SLC38A4: variants seen among roughly 807,000 people sequenced by gnomAD.
SLC38A4 encodes the protein solute carrier family 38 member 4.
In SLC38A4, 20 loss-of-function variants were observed where a neutral mutation model predicts 63.1. The observed-to-expected ratio is 0.32, with a 90% CI of 0.22 to 0.46. The LOEUF is 0.46. Among genes scored for constraint, SLC38A4 ranks in the 20% least tolerant of loss-of-function variants. The pLI is 1.00. For synonymous variants in SLC38A4, 230 were observed against 225.5 expected, an observed-to-expected ratio of 1.02 and a Z score of -0.18; for missense variants, 526 against 663.6, an observed-to-expected ratio of 0.79 and a Z score of 2.28.
chr12:46,788,756 C>T (rs1254456480), intron 3 of SLC38A4, 138 bp from the exon 4 acceptor site: 2 of 691,550 alleles, frequency 2.9e-6, no homozygotes, highest in Non-Finnish European at 4.9e-6. Context: ...TCCTCCTTCA[C>T]ACTAACGGTC....
intron 2 of SLC38A4, among the ~76,000 whole-genome samples, chr12:46,794,778 C>G (rs1283728498): frequency 2.0e-5 from 3 of 151,398 alleles, no homozygotes; most frequent in Non-Finnish European, 4.4e-5. Flanking sequence ...TAGGGTGAGA[C>G]AAAACAGAAA....
chr12:46,766,696 T>G lies in SLC38A4; in HGVS notation c.*5A>C. On this transcript the variant is annotated 3_prime_UTR_variant, in exon 17 of 17. Transcript: ENST00000266579. The stretch of plus-strand genomic sequence containing the variant: ...CAATAGAAAAAGAAAGTATTTTTCC[T>G]TGTGTTAGTGATGCTTGGAATTTGG... 1 of 1,575,542 alleles carries G rather than the reference T, an allele frequency of 6.3e-7. No individual in the cohort carries two copies. The highest frequency in any genetic ancestry group is 8.7e-7 in the Non-Finnish European group (1 of 1,146,864).
At chr12:46,832,229 A>T (rs1297214739) in intron 1 of SLC38A4, 1 of 152,056 alleles carries the variant, frequency 6.6e-6, no homozygotes, top group East Asian at 1.9e-4. Context: ...CCCCGTGCAT[A>T]CACACAAGCA....
At chr12:46,822,566 C>T (rs1012625577) in intron 1 of SLC38A4, among the ~76,000 whole-genome samples, 1 of 152,126 alleles carries the variant, frequency 6.6e-6, no homozygotes, top group African/African-American at 2.4e-5. Context: ...CACCACTGGG[C>T]ACCTACTTTA....
At chr12:46,769,204 G>A in intron 15 of SLC38A4, 80 bp downstream of exon 15, 1 of 1,474,562 alleles carries the variant, frequency 6.8e-7, no homozygotes, top group Non-Finnish European at 9.4e-7. Flanking sequence ...GGATCTGGAT[G>A]ACCCAGCACT....
intron 1 of SLC38A4, among the ~76,000 whole-genome samples, chr12:46,818,415 G>A (rs369561570): frequency 6.6e-5 from 10 of 151,838 alleles, no homozygotes; most frequent in East Asian, 3.9e-4. Flanking sequence ...TTTGCAGAAT[G>A]AGAAAAGCAA....
chr12:46,785,443 A>T (rs1401673069), intron 5 of SLC38A4, among the ~76,000 whole-genome samples: 1 of 152,118 alleles, frequency 6.6e-6, no homozygotes, highest in African/African-American at 2.4e-5. Flanking sequence ...CATAACTTAG[A>T]TGCTAAATGT....
At chr12:46,831,282 G>C (rs1939727977) in intron 1 of SLC38A4, among the ~76,000 whole-genome samples, 1 of 152,174 alleles carries the variant, frequency 6.6e-6, no homozygotes, top group Non-Finnish European at 1.5e-5. Flanking sequence ...GGGTGCTCCC[G>C]GCTTACGCTT....
chr12:46,788,026 G>A lies in SLC38A4; in HGVS notation c.216C>T (p.Pro72=), dbSNP rs35448881. The A allele has an allele frequency of 2.2e-3, 3,496 of 1,612,516 alleles. 62 individuals are homozygous for A. In the African/African-American group the frequency reaches 0.042, roughly 19 times the overall value. The change falls in exon 5 of 17, where the codon CCC becomes CCT. Residue 72 remains proline, a synonymous_variant. Coordinates refer to ENST00000266579, the MANE Select transcript of SLC38A4 (RefSeq NM_018018.5). ...KLADYADEHH[P]GTTSFGMSSF... ...AAGACATTCCAAAGGAAGTGGTTCC[G>A]GGATGCTTGAAAAAGAAGGGATGTA...
intron 6 of SLC38A4, among the ~76,000 whole-genome samples, 171 bp downstream of exon 6, chr12:46,784,933 T>C (rs1938727005): frequency 6.6e-6 from 1 of 152,136 alleles, no homozygotes; most frequent in South Asian, 2.1e-4. Flanking sequence ...CTTTCACTCC[T>C]GCCTCTCACT....
At chr12:46,808,615 T>G (rs755700056) in intron 1 of SLC38A4, among the ~76,000 whole-genome samples, 22 of 152,030 alleles carry the variant, frequency 1.4e-4, no homozygotes, top group Non-Finnish European at 3.1e-4. Flanking sequence ...TCCACTTCAT[T>G]TATTGATCCC....
intron 2 of SLC38A4, among the ~76,000 whole-genome samples, chr12:46,802,388 G>A (rs552066703): frequency 1.3e-5 from 2 of 152,068 alleles, no homozygotes; most frequent in South Asian, 4.2e-4. Context: ...ACCATTCCCA[G>A]AGGTACTTTT....
At position 46,794,025 on chromosome 12, in the gene SLC38A4, A is replaced by G. The variant is rs915140909; in HGVS notation, c.-112-842T>C. Among the ~76,000 whole-genome samples, 53 of 152,158 alleles carry G rather than the reference A, an allele frequency of 3.5e-4. 1 individual carries two copies. Among genetic ancestry groups the G allele is most frequent in the Non-Finnish European group, 1.3e-4 (9 of 68,022 alleles). On this transcript the variant is annotated intron_variant, in intron 2 of 16. Coordinates refer to ENST00000266579, the MANE Select transcript of SLC38A4 (RefSeq NM_018018.5). ...TATAATTTCTTCTGAAATTCTTACC[A>G]TTAGATTCATTCAATTATTGTTGAA...
At chr12:46,789,080 C>T (rs995865468) in intron 3 of SLC38A4, among the ~76,000 whole-genome samples, 1 of 151,952 alleles carries the variant, frequency 6.6e-6, no homozygotes, top group African/African-American at 2.4e-5. Flanking sequence ...TCAAAATATC[C>T]CTATAGGGAA....
chr12:46,788,318 C>T (rs1565668894), intron 4 of SLC38A4, among the ~76,000 whole-genome samples: 1 of 152,126 alleles, frequency 6.6e-6, no homozygotes. Context: ...AGAATGATTT[C>T]CCCCCAAAAC....
chr12:46,831,594 C>T (rs1425421299), intron 1 of SLC38A4, among the ~76,000 whole-genome samples: 1 of 152,246 alleles, frequency 6.6e-6, no homozygotes, highest in South Asian at 2.1e-4. Flanking sequence ...AGACCAGGGG[C>T]CCACATCCAG....
chr12:46,815,531 T>C (rs4335624), intron 1 of SLC38A4, among the ~76,000 whole-genome samples: 151,676 of 151,724 alleles, frequency 1, 75,814 homozygotes, highest in Middle Eastern at 1. Flanking sequence ...AACCTTAGAA[T>C]ATGGCCTGGG....
chr12:46,770,538 G>T (rs1156557706), intron 14 of SLC38A4, among the ~76,000 whole-genome samples: 2 of 152,036 alleles, frequency 1.3e-5, no homozygotes, highest in Non-Finnish European at 2.9e-5. Flanking sequence ...ATCCTTGACA[G>T]ATTTCAGCCC....
rs144869015 is a variant in SLC38A4 at position 46,786,129 on chromosome 12, T to C, written c.327-952A>G. On this transcript the variant is annotated intron_variant, in intron 5 of 16. Coordinates refer to ENST00000266579, the MANE Select transcript of SLC38A4 (RefSeq NM_018018.5). ...ATGTTTGCCAGAACTGTCTAACCAA[T>C]GACTTATTCCTATATTTTTCCATAT... Among the ~76,000 whole-genome samples the C allele has an allele frequency of 1.3e-3, 198 of 152,218 alleles. 3 individuals are homozygous for C. Among genetic ancestry groups the C allele is most frequent in the African/African-American group, 4.1e-3 (169 of 41,564 alleles).
Sources: allele counts gnomAD v4.1 joint callset (sites outside exome capture counted in the v4.1 genomes callset), GRCh38; gene constraint gnomAD v4.1.1; transcripts MANE v1.5; gene names NCBI Gene and HGNC (gene_info 2026-07-23, HGNC 2026-07-21).